The following AKAP3 variants were observed in gnomAD, a reference collection of about 807,000 sequenced individuals.
AKAP3 encodes A-kinase anchor protein 3.
Under a neutral mutation model 57.2 loss-of-function variants are expected in AKAP3, and 27 were observed. The observed-to-expected ratio is 0.47, with a 90% confidence interval of 0.35 to 0.65. AKAP3 has a LOEUF of 0.65. Ranked by LOEUF, AKAP3 falls within the 30% of genes least tolerant of loss-of-function variation. AKAP3 has a pLI of 0.01. For missense variants in AKAP3, 959 were observed against 1,040.0 expected (o/e 0.92, Z 1.07); for synonymous variants, 334 against 392.3 (o/e 0.85, Z 1.76).
rs1363109528 is a variant in AKAP3 at position 4,636,092 on chromosome 12, G to A, written c.96+2009C>T. Reference sequence around the variant, plus strand: ...ACAGCAGACTCTCCCAGAAATACTGGCATATTGAACTGGCATATTTTATTT... The same window carrying A: ...ACAGCAGACTCTCCCAGAAATACTGACATATTGAACTGGCATATTTTATTT... On this transcript the variant is annotated intron_variant, in intron 4 of 5. Transcript: ENST00000228850. 2.5e-6 allele frequency: 3 copies of A among 1,200,862 alleles called. No homozygotes were observed. In the Admixed American group the frequency reaches 5.1e-5, roughly 20 times the overall value. The allele number at this position is 1,200,862 out of a possible 1,614,324, so 74.4% of individuals were successfully genotyped here. A position where few individuals can be genotyped will look rare whatever the true frequency, so the allele number is the denominator to read the frequency against.
At position 4,615,577 on chromosome 12, in the gene AKAP3, TC is replaced by T; in HGVS notation, c.*161del. The T allele has an allele frequency of 1.1e-6, 1 of 897,068 alleles. No individual in the cohort carries two copies. The highest frequency in any genetic ancestry group is 1.6e-6 in the Non-Finnish European group (1 of 637,298). 55.6% of individuals were successfully genotyped at this position (897,068 alleles called of 1,614,324 possible). On this transcript the variant is annotated 3_prime_UTR_variant, in exon 6 of 6. Coordinates refer to ENST00000228850, the MANE Select transcript of AKAP3 (RefSeq NM_001278309.2). ...TGCATGGACAGGAAAATCTGCAAAA[TC>T]CAGTGGCTAGCACAAGATGACATGT...
chr12:4,622,470 T>G (rs927015774), intron 5 of AKAP3, among the ~76,000 whole-genome samples: 2 of 151,852 alleles, frequency 1.3e-5, no homozygotes, highest in South Asian at 4.2e-4. Flanking sequence ...AGCCCAAAAA[T>G]AAGGCCACAC....
At chr12:4,621,109 A>G (rs139622078) in intron 5 of AKAP3, among the ~76,000 whole-genome samples, 103 of 152,246 alleles carry the variant, frequency 6.8e-4, no homozygotes, top group Non-Finnish European at 1.2e-3. Context: ...TTCATTTTTA[A>G]TAAAAAATAA....
At chr12:4,644,425 G>A (rs2137452191) in intron 2 of AKAP3, among the ~76,000 whole-genome samples, 1 of 152,318 alleles carries the variant, frequency 6.6e-6, no homozygotes, top group Non-Finnish European at 1.5e-5. Flanking sequence ...AAGTCAGTAG[G>A]TAGTCAAGCT....
chr12:4,639,582 C>T (rs911022282), intron 3 of AKAP3, among the ~76,000 whole-genome samples: 1 of 151,452 alleles, frequency 6.6e-6, no homozygotes. Context: ...CCCCATCCCC[C>T]CACCCCACAA....
chr12:4,648,887 T>C lies in AKAP3; in HGVS notation c.-387A>G. ...TCTGAACTTCAGGTTCCTCGGCAAT[T>C]AGAGATTATAAATAGCCTATACAGC... On this transcript the variant is annotated 5_prime_UTR_variant, in exon 1 of 6. Transcript: ENST00000228850. 7.7e-6 allele frequency: 4 copies of C among 521,348 alleles called. No individual in the cohort carries two copies. Among genetic ancestry groups the C allele is most frequent in the Non-Finnish European group, 1.3e-5 (4 of 296,488 alleles). 32.3% of individuals were successfully genotyped at this position (521,348 alleles called of 1,614,324 possible).
intron 5 of AKAP3, among the ~76,000 whole-genome samples, chr12:4,623,296 A>G (rs1374782677): frequency 6.6e-6 from 1 of 152,218 alleles, no homozygotes; most frequent in African/African-American, 2.4e-5. Context: ...TACCATAAAG[A>G]CACATGCACG....
chr12:4,645,461 G>A (rs1945687429), intron 1 of AKAP3: 1 of 152,126 alleles, frequency 6.6e-6, no homozygotes, highest in Non-Finnish European at 1.5e-5. Flanking sequence ...ATGGTTTCTG[G>A]ATGATTCAAG....
At chr12:4,628,920 T>C in intron 4 of AKAP3, 115 bp from the exon 5 acceptor site, 16 of 1,130,690 alleles carry the variant, frequency 1.4e-5, no homozygotes, top group Non-Finnish European at 2.0e-5. Flanking sequence ...TGCTCCATCT[T>C]GGCAATAAAA....
rs777399617 is a variant in AKAP3 at position 4,626,677 on chromosome 12, C to G, written c.2225G>C (p.Arg742Thr). Residue 742 changes from arginine to threonine, a missense_variant, in exon 5 of 6, where the codon AGA becomes ACA. Coordinates refer to ENST00000228850, the MANE Select transcript of AKAP3 (RefSeq NM_001278309.2). ...TTCAGGGGGCTGTCCTGATGTGCCT[C>G]TCATTTCATTATGGATAGCTTGATA... ...NAYQAIHNEMRGTSGQPPEGC... is the reference protein window; with the variant it reads ...NAYQAIHNEMTGTSGQPPEGC... The G allele has an allele frequency of 1.2e-6, 2 of 1,614,230 alleles. No homozygotes were observed. Among genetic ancestry groups the G allele is most frequent in the Non-Finnish European group, 1.7e-6 (2 of 1,180,044 alleles).
Position 4,627,897 on chromosome 12 carries a change from G to A in AKAP3, c.1005C>T (p.Asp335=), listed in dbSNP as rs748977283. The A allele has an allele frequency of 3.7e-6, 6 of 1,614,184 alleles. No individual in the cohort carries two copies. Among genetic ancestry groups the A allele is most frequent in the African/African-American group, 2.7e-5 (2 of 75,056 alleles). Residue 335 remains aspartate, a synonymous_variant, in exon 5 of 6, where the codon GAC becomes GAT. Transcript: ENST00000228850. Reference sequence around the variant, plus strand: ...CGCTGTGGAGATTCCTCAAGAAGGAGTCGATGAGATCCGAGACCACCTCTT... The same window carrying A: ...CGCTGTGGAGATTCCTCAAGAAGGAATCGATGAGATCCGAGACCACCTCTT... ...HAKEVVSDLI[D]SFLRNLHSVT...
rs890787075 is a variant in AKAP3 at position 4,640,494 on chromosome 12, G to A, written c.-1+1405C>T. On this transcript the variant is annotated intron_variant, in intron 3 of 5. Coordinates refer to ENST00000228850, the MANE Select transcript of AKAP3 (RefSeq NM_001278309.2). ...ACTTTGGACTGTGGTGAGGGTAGAC[G>A]TCCTTCCTCAAAATAAAACCAACAC... 3.3e-5 allele frequency among the ~76,000 whole-genome samples: 5 copies of A among 152,134 alleles called. No individual in the cohort carries two copies. The East Asian group carries it at 7.7e-4, about 23-fold the overall frequency.
rs539340582 is a variant in AKAP3 at position 4,615,557 on chromosome 12, G to A, written c.*182C>T. The A allele has an allele frequency of 1.5e-6, 1 of 684,392 alleles. No homozygotes were observed. The highest frequency in any genetic ancestry group is 2.3e-6 in the Non-Finnish European group (1 of 443,820). 42.4% of individuals were successfully genotyped at this position (684,392 alleles called of 1,614,324 possible). Reference sequence around the variant, plus strand: ...TTTAATTTTACGTCCTTGCTTGCATGGACAGGAAAATCTGCAAAATCCAGT... The same window carrying A: ...TTTAATTTTACGTCCTTGCTTGCATAGACAGGAAAATCTGCAAAATCCAGT... On this transcript the variant is annotated 3_prime_UTR_variant, in exon 6 of 6. Transcript: ENST00000228850.
intron 4 of AKAP3, chr12:4,631,221 G>A (rs1945493700): frequency 5.2e-6 from 3 of 582,158 alleles, no homozygotes. Context: ...CTGACCATTT[G>A]GTAATCTCTT....
chr12:4,634,541 C>G (rs1416377552), intron 4 of AKAP3, among the ~76,000 whole-genome samples: 1 of 152,108 alleles, frequency 6.6e-6, no homozygotes, highest in African/African-American at 2.4e-5. Flanking sequence ...GAACAAAAGT[C>G]CCCTCCCTGC....
intron 1 of AKAP3, among the ~76,000 whole-genome samples, chr12:4,646,679 G>T (rs1273502066): frequency 1.3e-5 from 2 of 151,474 alleles, no homozygotes; most frequent in Admixed American, 1.3e-4. Flanking sequence ...AAAAAAAAAA[G>T]TTATTTATCC....
Position 4,640,624 on chromosome 12 carries a change from C to A in AKAP3, c.-1+1275G>T, listed in dbSNP as rs532090812. ...AATCATTACAAAGAAAATACAAGATCTTTTAAGAGCTACTTATTCTTTGCT... is the reference window on the plus strand; with the variant it reads ...AATCATTACAAAGAAAATACAAGATATTTTAAGAGCTACTTATTCTTTGCT... On this transcript the variant is annotated intron_variant, in intron 3 of 5. Transcript: ENST00000228850. Among the ~76,000 whole-genome samples the A allele has an allele frequency of 9.2e-5, 14 of 152,308 alleles. No individual in the cohort carries two copies. The East Asian group carries it at 2.7e-3, about 29-fold the overall frequency.
At position 4,619,778 on chromosome 12, in the gene AKAP3, T is replaced by C. The variant is rs12322557; in HGVS notation, c.2407-3884A>G. On this transcript the variant is annotated intron_variant, in intron 5 of 5. Coordinates refer to ENST00000228850, the MANE Select transcript of AKAP3 (RefSeq NM_001278309.2). ...AACCATCTAAATATCTATTATCTGATAGATGGACAAACAAAATGTAGTATA... is the reference window on the plus strand; with the variant it reads ...AACCATCTAAATATCTATTATCTGACAGATGGACAAACAAAATGTAGTATA... Among the ~76,000 whole-genome samples, 1,492 of 152,302 alleles carry C rather than the reference T, an allele frequency of 9.8e-3. 16 individuals carry two copies. The highest frequency in any genetic ancestry group is 0.027 in the African/African-American group (1,111 of 41,564).
At chr12:4,637,334 TCTG>T (rs1439930343) in intron 4 of AKAP3, among the ~76,000 whole-genome samples, 1 of 152,236 alleles carries the variant, frequency 6.6e-6, no homozygotes, top group African/African-American at 2.4e-5. Context: ...AGGGCTTCCC[TCTG>T]GCAAGTTTCC....
Sources: gnomAD v4.1 joint callset for allele counts (sites outside exome capture counted in the v4.1 genomes callset) on GRCh38, gnomAD v4.1.1 for gene constraint, MANE v1.5 for transcripts, NCBI Gene and HGNC (gene_info 2026-07-23, HGNC 2026-07-21) for gene names.